The following VPS41 variants were observed in gnomAD, a reference collection of about 807,000 sequenced individuals.
The protein encoded by VPS41 is VPS41 subunit of HOPS complex.
Under a neutral mutation model 130.9 loss-of-function variants are expected in VPS41, and 85 were observed. That is an observed-to-expected ratio of 0.65 (90% CI 0.55 to 0.78). The LOEUF (loss-of-function observed/expected upper bound fraction) is 0.78, where lower values mean the gene tolerates loss of function less well. Ranked by LOEUF, VPS41 falls within the 30% of genes least tolerant of loss-of-function variation. The probability of loss-of-function intolerance (pLI) is 0.00; values close to 1 mark genes in which losing one functional copy is unlikely to be tolerated. For missense variants in VPS41, 874 were observed against 1,018.7 expected, an observed-to-expected ratio of 0.86 and a Z score of 1.93; for synonymous variants, 335 against 332.9, an observed-to-expected ratio of 1.01 and a Z score of -0.07.
intron 4 of VPS41, among the ~76,000 whole-genome samples, chr7:38,843,622 T>C (rs534244265): frequency 6.6e-6 from 1 of 151,288 alleles, no homozygotes; most frequent in South Asian, 2.1e-4. Context: ...GCGGAGCTTT[T>C]AGTGAGCCGA....
intron 7 of VPS41, among the ~76,000 whole-genome samples, chr7:38,799,940 T>A (rs972143455): frequency 2.0e-5 from 3 of 152,066 alleles, no homozygotes; most frequent in African/African-American, 7.2e-5. Context: ...CAGTGGAGTA[T>A]GTGCAGAGAA....
intron 9 of VPS41, among the ~76,000 whole-genome samples, chr7:38,791,720 C>G (rs544381479): frequency 6.6e-6 from 1 of 152,020 alleles, no homozygotes; most frequent in African/African-American, 2.4e-5. Context: ...TGGAGAGTAA[C>G]GGAGAGGCAG....
At chr7:38,789,135 C>A (rs1233230651) in intron 10 of VPS41, among the ~76,000 whole-genome samples, 1 of 152,188 alleles carries the variant, frequency 6.6e-6, no homozygotes, top group Non-Finnish European at 1.5e-5. Context: ...ATTCATTCAA[C>A]TCAATATTAA....
chr7:38,828,535 T>G (rs1342153545), intron 5 of VPS41, among the ~76,000 whole-genome samples: 1 of 152,180 alleles, frequency 6.6e-6, no homozygotes, highest in East Asian at 1.9e-4. Flanking sequence ...AATGTGTTTG[T>G]GTAATGTCTT....
At chr7:38,762,127 G>T (rs1273287304) in intron 17 of VPS41, among the ~76,000 whole-genome samples, 1 of 152,036 alleles carries the variant, frequency 6.6e-6, no homozygotes, top group Non-Finnish European at 1.5e-5. Context: ...ACCATAAACT[G>T]AAATAAACAT....
chr7:38,753,806 C>G (rs955019250), intron 21 of VPS41, among the ~76,000 whole-genome samples: 2 of 152,078 alleles, frequency 1.3e-5, no homozygotes, highest in Non-Finnish European at 2.9e-5. Context: ...GCAGTAGCAT[C>G]TGAGCAAAAG....
In VPS41 at chr7:38,829,324, G is replaced by T. The variant is rs563433081; in HGVS notation, c.321+930C>A. ...TGCTTTTTGTTAACAGATTAAATGG[G>T]TATATCTCTTTTACACCGGGTATAC... is the stretch of plus-strand genomic sequence containing the variant. On this transcript the variant is annotated intron_variant, in intron 5 of 28. Transcript: ENST00000310301. 2.0e-4 allele frequency among the ~76,000 whole-genome samples: 30 copies of T among 152,268 alleles called. No homozygotes were observed. In the South Asian group the frequency reaches 6.2e-3, roughly 32 times the overall value.
At chr7:38,819,469 T>C (rs1227547806) in intron 6 of VPS41, among the ~76,000 whole-genome samples, 1 of 152,236 alleles carries the variant, frequency 6.6e-6, no homozygotes, top group Non-Finnish European at 1.5e-5. Flanking sequence ...TTACTAAATT[T>C]CTTTAAAGAA....
chr7:38,791,906 G>C (rs559474251), intron 9 of VPS41, among the ~76,000 whole-genome samples: 3 of 152,290 alleles, frequency 2.0e-5, no homozygotes, highest in Admixed American at 2.0e-4. Context: ...AGAGATTTGA[G>C]AGACATTGAC....
chr7:38,903,358 G>A (rs1787184857), intron 1 of VPS41, among the ~76,000 whole-genome samples: 2 of 152,318 alleles, frequency 1.3e-5, no homozygotes, highest in Non-Finnish European at 2.9e-5. Context: ...AGGACAGAGA[G>A]GATCCAGGAC....
At chr7:38,796,141 G>C (rs1784613679) in intron 8 of VPS41, among the ~76,000 whole-genome samples, 1 of 152,178 alleles carries the variant, frequency 6.6e-6, no homozygotes, top group South Asian at 2.1e-4. Flanking sequence ...AAAAGGTAGA[G>C]TCTAGGCAGA....
At chr7:38,771,372 T>A (rs1193712482) in intron 13 of VPS41, 118 bp from the exon 14 acceptor site, 1 of 715,634 alleles carries the variant, frequency 1.4e-6, no homozygotes, top group African/African-American at 1.8e-5. Context: ...GTTATTATGG[T>A]TTAGCATTCT....
chr7:38,752,408 A>T (rs766632033), intron 21 of VPS41, 95 bp from the exon 22 acceptor site: 3 of 1,475,398 alleles, frequency 2.0e-6, no homozygotes, highest in Non-Finnish European at 2.8e-6. Context: ...CCTCCCATGG[A>T]CAGGTTGGGG....
intron 8 of VPS41, 99 bp downstream of exon 8, chr7:38,796,646 C>T (rs1204626302): frequency 1.9e-6 from 3 of 1,572,066 alleles, no homozygotes; most frequent in African/African-American, 1.4e-5. Context: ...AAATCACCAC[C>T]ACAGCAAGTG....
chr7:38,756,548 T>C (rs1031249037), intron 19 of VPS41, among the ~76,000 whole-genome samples: 2 of 152,314 alleles, frequency 1.3e-5, no homozygotes, highest in East Asian at 1.9e-4. Flanking sequence ...CTATAAATTA[T>C]ATGAATTGTT....
chr7:38,848,569 T>A (rs938548006), intron 4 of VPS41, among the ~76,000 whole-genome samples: 1 of 152,228 alleles, frequency 6.6e-6, no homozygotes, highest in Non-Finnish European at 1.5e-5. Context: ...TGATAACGAC[T>A]AATGTTTACT....
At chr7:38,765,542 T>C in intron 16 of VPS41, 38 bp downstream of exon 16, 1 of 1,349,642 alleles carries the variant, frequency 7.4e-7, no homozygotes, top group Non-Finnish European at 1.0e-6. Context: ...AATATACTAC[T>C]TGCAGAAACT....
At position 38,855,287 on chromosome 7, in the gene VPS41, C is replaced by A. The variant is rs141295527; in HGVS notation, c.246+7258G>T. Reference sequence around the variant, plus strand: ...GCAGCTTAAAGGAACACTGAATCTTCACGATGATACTGTCAAAGAGAGAGG... The same window carrying A: ...GCAGCTTAAAGGAACACTGAATCTTAACGATGATACTGTCAAAGAGAGAGG... On this transcript the variant is annotated intron_variant, in intron 4 of 28. Transcript: ENST00000310301. Among the ~76,000 whole-genome samples the A allele has an allele frequency of 2.9e-3, 429 of 150,232 alleles. 2 individuals are homozygous for A. Among genetic ancestry groups the A allele is most frequent in the African/African-American group, 0.01 (418 of 40,970 alleles).
At chr7:38,816,163 G>A (rs1315664357) in intron 7 of VPS41, among the ~76,000 whole-genome samples, 2 of 152,182 alleles carry the variant, frequency 1.3e-5, no homozygotes, top group Non-Finnish European at 2.9e-5. Context: ...GAGAATGTGA[G>A]ATTAGGTCTG....
Sources: gnomAD v4.1 joint callset for allele counts (sites outside exome capture counted in the v4.1 genomes callset) on GRCh38, gnomAD v4.1.1 for gene constraint, MANE v1.5 for transcripts, NCBI Gene and HGNC (gene_info 2026-07-23, HGNC 2026-07-21) for gene names.